BBIP1: variants seen among roughly 807,000 people sequenced by gnomAD.
The protein encoded by BBIP1 is BBSome-interacting protein 1.
Under a neutral mutation model 8.9 loss-of-function variants are expected in BBIP1, and 6 were observed. The ratio of observed to expected loss-of-function variants is 0.67; its 90% CI spans 0.37 to 1.33. The LOEUF (loss-of-function observed/expected upper bound fraction) is 1.33. Among genes scored for constraint, BBIP1 ranks in the 40% most tolerant of loss-of-function variants. The probability of loss-of-function intolerance (pLI) is 0.02; values close to 1 mark genes in which losing one functional copy is unlikely to be tolerated. For missense variants in BBIP1, 111 were observed against 109.2 expected, an observed-to-expected ratio of 1.02 and a Z score of -0.07; for synonymous variants, 32 against 33.4, an observed-to-expected ratio of 0.96 and a Z score of 0.14.
intron 2 of BBIP1, among the ~76,000 whole-genome samples, chr10:110,915,389 A>C (rs1846378626): frequency 6.6e-6 from 1 of 152,122 alleles, no homozygotes; most frequent in South Asian, 2.1e-4. Flanking sequence ...CCTGGGCTCA[A>C]GTGATCTGCC....
In BBIP1 at chr10:110,900,320, T is replaced by C; in HGVS notation, c.*40A>G. 6.7e-7 allele frequency: 1 copy of C among 1,490,628 alleles called. No homozygotes were observed. Among genetic ancestry groups the C allele is most frequent in the East Asian group, 2.5e-5 (1 of 39,706 alleles). The allele number at this position is 1,490,628 out of a possible 1,614,324, so 92.3% of individuals were successfully genotyped here. A position where few individuals can be genotyped will look rare whatever the true frequency, so the allele number is the denominator to read the frequency against. On this transcript the variant is annotated 3_prime_UTR_variant, in exon 4 of 4. Transcript: ENST00000448814. ...ATATTTTCTAGTTATTGTTAAATAG[T>C]AGATAAGGCAGGTTGTTCCCTAAAG... is the stretch of plus-strand genomic sequence containing the variant.
At chr10:110,905,544 A>G (rs921081558) in intron 2 of BBIP1, among the ~76,000 whole-genome samples, 3 of 151,624 alleles carry the variant, frequency 2.0e-5, no homozygotes, top group African/African-American at 7.3e-5. Flanking sequence ...CCTGGGCGAC[A>G]GACCGAGACT....
intron 2 of BBIP1, among the ~76,000 whole-genome samples, chr10:110,905,942 C>CT (rs1393056024): frequency 1.3e-5 from 2 of 151,150 alleles, no homozygotes; most frequent in East Asian, 1.9e-4. Flanking sequence ...TTTATATCAT[C>CT]TTTTTTTCTT....
intron 2 of BBIP1, chr10:110,904,093 A>C (rs1342889538): frequency 6.6e-6 from 1 of 152,220 alleles, no homozygotes; most frequent in African/African-American, 2.4e-5. Context: ...AGAGTAATGC[A>C]CTGTAAGCAG....
chr10:110,918,255 A>C (rs1846478857), intron 1 of BBIP1, 42 bp from the exon 2 acceptor site: 2 of 1,039,786 alleles, frequency 1.9e-6, no homozygotes, highest in South Asian at 2.8e-5. Flanking sequence ...GGCCATATAA[A>C]AGCAATACAG....
intron 2 of BBIP1, among the ~76,000 whole-genome samples, chr10:110,917,589 G>T (rs1029381476): frequency 1.3e-5 from 2 of 152,134 alleles, no homozygotes; most frequent in Non-Finnish European, 2.9e-5. Context: ...CTTCACAGGG[G>T]AAACGTAAAA....
chr10:110,900,608 C>A, intron 3 of BBIP1, 82 bp from the exon 4 acceptor site: 2 of 1,169,662 alleles, frequency 1.7e-6, no homozygotes, highest in South Asian at 3.5e-5. Flanking sequence ...GAATGAAGGT[C>A]TAAAAAATTA....
In BBIP1 at chr10:110,901,577, C is replaced by G. The variant is rs1410868758; in HGVS notation, c.73G>C (p.Glu25Gln). ...ACTTCCCGGAACATTGACTTCACTT[C>G]TGCCATATCTGAGTTGTTGGATATA... ...NTISNNSDMA[E>Q]VKSMFREVLP... is the part of the protein sequence containing the mutation. The change falls in exon 3 of 4, where the codon GAA becomes CAA. Residue 25 changes from glutamate (E) to glutamine (Q), a missense_variant. Glu to Gln is a conservative substitution (Grantham distance 29). Transcript: ENST00000448814. 27 of 1,535,518 alleles carry G rather than the reference C, an allele frequency of 1.8e-5. No individual in the cohort carries two copies. The highest frequency in any genetic ancestry group is 2.0e-5 in the Non-Finnish European group (23 of 1,146,510).
chr10:110,899,245 A>G lies in BBIP1; in HGVS notation c.*1115T>C, dbSNP rs1369205435. ...GCAGCAAACAAGAATTATATTCAGA[A>G]TTTATGAGGGTACTGTTAGGAGTAT... is the stretch of plus-strand genomic sequence containing the variant. On this transcript the variant is annotated 3_prime_UTR_variant, in exon 4 of 4. Transcript: ENST00000448814. 1 of 152,214 alleles carries G rather than the reference A, an allele frequency of 6.6e-6. No individual in the cohort carries two copies. The highest frequency in any genetic ancestry group is 2.4e-5 in the African/African-American group (1 of 41,468). The allele number at this position is 152,214 out of a possible 1,614,324, so 9.4% of individuals were successfully genotyped here. A position where few individuals can be genotyped will look rare whatever the true frequency, so the allele number is the denominator to read the frequency against.
chr10:110,902,374 G>A (rs1330954100), intron 2 of BBIP1: 4 of 152,294 alleles, frequency 2.6e-5, no homozygotes, highest in African/African-American at 9.7e-5. Flanking sequence ...AAGGTGTTCT[G>A]GACTAAGCTG....
Position 110,913,407 on chromosome 10 carries a change from A to T in BBIP1, c.37+4714T>A, listed in dbSNP as rs116096271. Among the ~76,000 whole-genome samples the T allele has an allele frequency of 5.1e-3, 782 of 152,376 alleles. 4 individuals are homozygous for T. Among genetic ancestry groups the T allele is most frequent in the African/African-American group, 0.018 (734 of 41,590 alleles). On this transcript the variant is annotated intron_variant, in intron 2 of 3. Transcript: ENST00000448814. ...TCTCTAAAAATCTTTGAATCTTCAT[A>T]AATATCATGGTACCTATAAGACAGC...
chr10:110,902,744 C>G (rs965060512), intron 2 of BBIP1: 23 of 152,344 alleles, frequency 1.5e-4, no homozygotes, highest in African/African-American at 5.5e-4. Flanking sequence ...TCAAACTTCA[C>G]CCCTATACTG....
intron 2 of BBIP1, chr10:110,911,063 C>T (rs1846264761): frequency 6.6e-6 from 1 of 152,116 alleles, no homozygotes; most frequent in Admixed American, 6.6e-5. Flanking sequence ...CTTACAATGG[C>T]ATCAACTTGA....
At chr10:110,901,469 A>C in intron 3 of BBIP1, 69 bp downstream of exon 3, 1 of 1,096,296 alleles carries the variant, frequency 9.1e-7, no homozygotes, top group East Asian at 2.6e-5. Context: ...TAAGCCTGCT[A>C]TGTGACACTG....
rs957299247 is a variant in BBIP1, at chr10:110,898,849, A to T, written c.*1511T>A. On this transcript the variant is annotated 3_prime_UTR_variant, in exon 4 of 4. Transcript: ENST00000448814. ...ATTTGAACCTAGTCAATTTAATCTTAGTGTTCCCTTGAAAACTTTTTTTCC... is the reference window on the plus strand; with the variant it reads ...ATTTGAACCTAGTCAATTTAATCTTTGTGTTCCCTTGAAAACTTTTTTTCC... 2 of 152,710 alleles carry T rather than the reference A, an allele frequency of 1.3e-5. No homozygotes were observed. The highest frequency in any genetic ancestry group is 2.9e-5 in the Non-Finnish European group (2 of 68,020). The allele number at this position is 152,710 out of a possible 1,614,324, so 9.5% of individuals were successfully genotyped here. A position where few individuals can be genotyped will look rare whatever the true frequency, so the allele number is the denominator to read the frequency against.
chr10:110,906,068 T>C (rs1353523921), intron 2 of BBIP1, among the ~76,000 whole-genome samples: 1 of 151,002 alleles, frequency 6.6e-6, no homozygotes, highest in African/African-American at 2.4e-5. Flanking sequence ...AGTGGCGCGA[T>C]CTTGGCTCAC....
At chr10:110,911,526 C>CT (rs1846275526) in intron 2 of BBIP1, 7 of 151,746 alleles carry the variant, frequency 4.6e-5, no homozygotes, top group Admixed American at 4.6e-4. Context: ...TTTGAAAAAA[C>CT]TTTTATCACC....
chr10:110,911,875 G>A (rs532918723), intron 2 of BBIP1: 1 of 152,222 alleles, frequency 6.6e-6, no homozygotes, highest in Admixed American at 6.5e-5. Context: ...AGAAGATGGT[G>A]GAGAGATAAT....
intron 2 of BBIP1, chr10:110,904,756 C>G: frequency 6.6e-6 from 1 of 152,146 alleles, no homozygotes; most frequent in East Asian, 1.9e-4. Context: ...ATAGATGAAG[C>G]TGACTAAATG....
Sources: allele counts gnomAD v4.1 joint callset (sites outside exome capture counted in the v4.1 genomes callset), GRCh38; gene constraint gnomAD v4.1.1; transcripts MANE v1.5; gene names NCBI Gene and HGNC (gene_info 2026-07-23, HGNC 2026-07-21).